Variants in EXT2 observed in about 807,000 individuals in gnomAD.
The protein encoded by EXT2 is exostosin glycosyltransferase 2.
Under a neutral mutation model 81.6 loss-of-function variants are expected in EXT2, and 53 were observed. That is an observed-to-expected ratio of 0.65 (90% CI 0.52 to 0.82). The LOEUF (loss-of-function observed/expected upper bound fraction) is 0.82, where lower values mean the gene tolerates loss of function less well. EXT2 is among the 40% of genes least tolerant of loss of function. The pLI is 0.00. For missense variants in EXT2, 774 were observed against 910.2 expected, an observed-to-expected ratio of 0.85 and a Z score of 1.93; for synonymous variants, 320 against 340.0, an observed-to-expected ratio of 0.94 and a Z score of 0.65.
chr11:44,187,264 A>T (rs1345860887), intron 8 of EXT2, among the ~76,000 whole-genome samples: 3 of 148,730 alleles, frequency 2.0e-5, no homozygotes, highest in Non-Finnish European at 4.5e-5. Context: ...TGCAGCCTCA[A>T]ACTCCTGGGC....
chr11:44,251,484 A>G lies in EXT2; in HGVS notation c.*7197A>G, dbSNP rs956142735. Among the ~76,000 whole-genome samples the G allele has an allele frequency of 7.2e-5, 11 of 152,172 alleles. No individual in the cohort carries two copies. The highest frequency in any genetic ancestry group is 2.9e-5 in the Non-Finnish European group (2 of 68,028). On this transcript the variant is annotated 3_prime_UTR_variant, in exon 14 of 14. Coordinates refer to ENST00000533608, the MANE Select transcript of EXT2 (RefSeq NM_207122.2). Reference sequence around the variant, plus strand: ...TTTTAGGCCTTAACAGCACAATAAAAGTATCCCATGAGACCATTATGAGCA... The same window carrying G: ...TTTTAGGCCTTAACAGCACAATAAAGGTATCCCATGAGACCATTATGAGCA...
chr11:44,210,607 A>G (rs976758797), intron 10 of EXT2, among the ~76,000 whole-genome samples: 26 of 152,182 alleles, frequency 1.7e-4, no homozygotes. Flanking sequence ...TTACTGGTGT[A>G]TACAGATGCC....
chr11:44,134,836 C>G (rs1954542613), intron 7 of EXT2, among the ~76,000 whole-genome samples: 1 of 152,192 alleles, frequency 6.6e-6, no homozygotes, highest in African/African-American at 2.4e-5. Flanking sequence ...AGGAGCCTGA[C>G]TTGCCTTTGA....
chr11:44,218,732 A>AC (rs10696192), intron 10 of EXT2, among the ~76,000 whole-genome samples: 16,212 of 151,788 alleles, frequency 0.11, 987 homozygotes, highest in Middle Eastern at 0.17. Flanking sequence ...CAGAATTAGT[A>AC]AAACTTATGG....
At chr11:44,198,042 C>T in intron 9 of EXT2, 24 bp downstream of exon 9, 2 of 1,613,090 alleles carry the variant, frequency 1.2e-6, no homozygotes, top group Non-Finnish European at 8.5e-7. Flanking sequence ...GTGCCTCTCT[C>T]AGCTGGATCA....
chr11:44,126,728 C>G, intron 5 of EXT2, 88 bp from the exon 6 acceptor site: 1 of 1,570,026 alleles, frequency 6.4e-7, no homozygotes, highest in Non-Finnish European at 8.8e-7. Flanking sequence ...GGCGTCAACC[C>G]TTGTAGAAAC....
At chr11:44,226,806 A>G (rs1243512854) in intron 10 of EXT2, among the ~76,000 whole-genome samples, 1 of 152,268 alleles carries the variant, frequency 6.6e-6, no homozygotes, top group East Asian at 1.9e-4. Flanking sequence ...CAGCCATGTG[A>G]CAGCAAGGTT....
chr11:44,207,456 T>C (rs1955597451), intron 10 of EXT2, among the ~76,000 whole-genome samples: 1 of 152,178 alleles, frequency 6.6e-6, no homozygotes, highest in Non-Finnish European at 1.5e-5. Flanking sequence ...ATGAGGCTGA[T>C]GGATTAGGCT....
chr11:44,118,271 G>A (rs75603928), intron 4 of EXT2, among the ~76,000 whole-genome samples: 3 of 152,074 alleles, frequency 2.0e-5, no homozygotes, highest in South Asian at 4.1e-4. Flanking sequence ...TGTATGTTGG[G>A]TGAAAATGTA....
chr11:44,219,483 G>A (rs911038744), intron 10 of EXT2, among the ~76,000 whole-genome samples: 1 of 152,172 alleles, frequency 6.6e-6, no homozygotes, highest in African/African-American at 2.4e-5. Context: ...AACAAAGTGA[G>A]ACCCTGTCTC....
intron 8 of EXT2, among the ~76,000 whole-genome samples, chr11:44,174,982 G>A (rs763320641): frequency 6.6e-5 from 10 of 152,130 alleles, no homozygotes; most frequent in East Asian, 1.9e-4. Context: ...ACAAAACACC[G>A]TGTATCTTAC....
At chr11:44,126,302 A>G (rs1415090296) in intron 5 of EXT2, among the ~76,000 whole-genome samples, 1 of 152,218 alleles carries the variant, frequency 6.6e-6, no homozygotes, top group Admixed American at 6.5e-5. Context: ...AGTATCTTCT[A>G]TATAAAAAGC....
intron 13 of EXT2, among the ~76,000 whole-genome samples, chr11:44,239,293 C>T (rs1302649676): frequency 6.6e-6 from 1 of 151,900 alleles, no homozygotes; most frequent in Non-Finnish European, 1.5e-5. Context: ...ACTGCTGGAC[C>T]TCAGCAGTGT....
intron 10 of EXT2, 109 bp downstream of exon 10, chr11:44,207,068 A>G (rs1955592437): frequency 7.7e-7 from 1 of 1,302,166 alleles, no homozygotes; most frequent in Admixed American, 1.7e-5. Flanking sequence ...CAGAGTTTCT[A>G]AAATCTTCCA....
chr11:44,204,831 A>AC (rs1259147653), intron 9 of EXT2, among the ~76,000 whole-genome samples: 1 of 152,026 alleles, frequency 6.6e-6, no homozygotes, highest in African/African-American at 2.4e-5. Flanking sequence ...CTTCCACAAA[A>AC]CTGGTCCCTG....
At chr11:44,136,934 C>A (rs1417460758) in intron 7 of EXT2, among the ~76,000 whole-genome samples, 1 of 151,912 alleles carries the variant, frequency 6.6e-6, no homozygotes, top group Non-Finnish European at 1.5e-5. Context: ...AATGGGAGAG[C>A]CTTGGTAATG....
intron 7 of EXT2, among the ~76,000 whole-genome samples, chr11:44,148,359 C>T (rs1954749090): frequency 1.3e-5 from 2 of 152,120 alleles, no homozygotes; most frequent in Non-Finnish European, 2.9e-5. Flanking sequence ...CTTAAATTAG[C>T]CAAGAGCACA....
chr11:44,250,798 ATAGAAAGGGT>A lies in EXT2; in HGVS notation c.*6514_*6523del, dbSNP rs1254338389. 1.3e-5 allele frequency among the ~76,000 whole-genome samples: 2 copies of A among 152,328 alleles called. No individual in the cohort carries two copies. The highest frequency in any genetic ancestry group is 3.9e-4 in the East Asian group (2 of 5,186). ...GTGTTTTCTATGTGGCTTAATTTCA[ATAGAAAGGGT>A]TATATGCAACCCTGTATCTGCTGAT... On this transcript the variant is annotated 3_prime_UTR_variant, in exon 14 of 14. Transcript: ENST00000533608.
Position 44,246,214 on chromosome 11 carries a change from G to T in EXT2, c.*1927G>T, listed in dbSNP as rs1321994941. ...TTCCAAGATGTGGGGCAGGTATAGGGGAGGGTCTTACATTGAAATCTCTGC... is the reference window on the plus strand; with the variant it reads ...TTCCAAGATGTGGGGCAGGTATAGGTGAGGGTCTTACATTGAAATCTCTGC... On this transcript the variant is annotated 3_prime_UTR_variant, in exon 14 of 14. Coordinates refer to ENST00000533608, the MANE Select transcript of EXT2 (RefSeq NM_207122.2). 6.6e-6 allele frequency among the ~76,000 whole-genome samples: 1 copy of T among 152,126 alleles called. No individual in the cohort carries two copies. The highest frequency in any genetic ancestry group is 1.9e-4 in the East Asian group (1 of 5,190).
Sources: allele counts gnomAD v4.1 joint callset (sites outside exome capture counted in the v4.1 genomes callset), GRCh38; gene constraint gnomAD v4.1.1; transcripts MANE v1.5; gene names NCBI Gene and HGNC (gene_info 2026-07-23, HGNC 2026-07-21).